Variants in ANO1 observed in about 807,000 individuals in gnomAD.
ANO1 encodes the protein anoctamin 1, also known as anoctamin-1.
Under a neutral mutation model 124.0 loss-of-function variants are expected in ANO1, and 59 were observed. The ratio of observed to expected loss-of-function variants is 0.48; its 90% CI spans 0.39 to 0.59. The LOEUF is 0.59. Among genes scored for constraint, ANO1 ranks in the 20% least tolerant of loss-of-function variants. ANO1 has a pLI of 0.00. For missense variants in ANO1, 1,059 were observed against 1,328.0 expected, an observed-to-expected ratio of 0.80 and a Z score of 3.15; for synonymous variants, 529 against 532.0, an observed-to-expected ratio of 0.99 and a Z score of 0.08.
the ANO1 span, among the ~76,000 whole-genome samples, chr11:69,976,547 A>G: frequency 4.0e-5 from 3 of 74,818 alleles, no homozygotes; most frequent in Non-Finnish European, 5.9e-5. Flanking sequence ...AAAAAAAAAA[A>G]AAAAAAAGAG....
chr11:70,116,393 T>C, intron 7 of ANO1, 65 bp from the exon 8 acceptor site: 2 of 1,459,978 alleles, frequency 1.4e-6, no homozygotes, highest in Non-Finnish European at 1.9e-6. Flanking sequence ...TGAAACATAA[T>C]GGATGTGAGC....
rs144451338 is a variant in ANO1, at chr11:70,124,811, G to A, written c.962+397G>A. ...CAGGGCAGGAAGGAGGGGCCGACCA[G>A]GTTAGGCAACTTGCCCGCCAGAGCT... On this transcript the variant is annotated intron_variant, in intron 9 of 25. Transcript: ENST00000355303. Among the ~76,000 whole-genome samples the A allele has an allele frequency of 7.0e-4, 106 of 152,322 alleles. 1 individual carries two copies. The highest frequency in any genetic ancestry group is 2.5e-3 in the African/African-American group (103 of 41,572).
At chr11:69,992,216 A>AGATGGATGGATG (rs59821789) in intron 1 of ANO1, among the ~76,000 whole-genome samples, 103 of 147,168 alleles carry the variant, frequency 7.0e-4, no homozygotes, top group East Asian at 1.7e-3. Context: ...ACGAATGGAT[A>AGATGGATGGATG]GATGGATGGA....
intron 7 of ANO1, among the ~76,000 whole-genome samples, chr11:70,113,659 A>T (rs985025559): frequency 6.6e-6 from 1 of 152,088 alleles, no homozygotes; most frequent in Admixed American, 6.5e-5. Context: ...CCCTGCTGAG[A>T]GGCTGAGGCA....
intron 1 of ANO1, chr11:70,016,552 G>T (rs1555001989): frequency 2.0e-5 from 3 of 152,302 alleles, no homozygotes; most frequent in African/African-American, 7.2e-5. Context: ...TGCTGCGGAT[G>T]GGGAATTCCA....
At chr11:70,095,427 A>AAAGAAAAGAAAGAAAAGAAAGAAAAG (rs10667749) in intron 2 of ANO1, among the ~76,000 whole-genome samples, 3 of 30,660 alleles carry the variant, frequency 9.8e-5, no homozygotes, top group Non-Finnish European at 2.3e-4. Flanking sequence ...AGAAAGAAAG[A>AAAGAAAAGAAAGAAAAGAAAGAAAAG]AAAGAAAAGA....
At chr11:70,134,687 G>A (rs944954299) in intron 11 of ANO1, among the ~76,000 whole-genome samples, 3 of 152,238 alleles carry the variant, frequency 2.0e-5, no homozygotes, top group Non-Finnish European at 2.9e-5. Context: ...GCATGAGGAT[G>A]TGCACGTGCC....
chr11:70,105,045 G>A (rs534236583), intron 4 of ANO1, among the ~76,000 whole-genome samples: 2 of 152,200 alleles, frequency 1.3e-5, no homozygotes, highest in South Asian at 4.1e-4. Flanking sequence ...GGGGCTTGGG[G>A]CATTAGAGGA....
At chr11:70,091,685 C>T (rs1219631964) in intron 2 of ANO1, among the ~76,000 whole-genome samples, 1 of 152,182 alleles carries the variant, frequency 6.6e-6, no homozygotes, top group Non-Finnish European at 1.5e-5. Context: ...GACTGTGCAG[C>T]AGTCATGGAG....
chr11:69,975,235 G>A, the ANO1 span, among the ~76,000 whole-genome samples: 5 of 152,230 alleles, frequency 3.3e-5, no homozygotes, highest in Non-Finnish European at 7.3e-5. Flanking sequence ...GGGAGATGGA[G>A]CAGTGGCCTC....
At chr11:70,083,153 C>T (rs2044252562) in intron 1 of ANO1, among the ~76,000 whole-genome samples, 2 of 152,156 alleles carry the variant, frequency 1.3e-5, no homozygotes, top group African/African-American at 2.4e-5. Flanking sequence ...CCTGTCCTCC[C>T]CTAGTTCTTT....
rs190808570 is a variant in ANO1, at chr11:70,123,408, C to T, written c.898-942C>T. Among the ~76,000 whole-genome samples the T allele has an allele frequency of 5.9e-5, 9 of 152,332 alleles. No homozygotes were observed. The East Asian group carries it at 1.2e-3, about 20-fold the overall frequency. On this transcript the variant is annotated intron_variant, in intron 8 of 25. Transcript: ENST00000355303. The stretch of plus-strand genomic sequence containing the variant: ...ACAGCCCGTGTTACCCCAGAGGAGA[C>T]GCTCAGGCACGCGAGGCTATGTCAG...
At chr11:70,128,794 G>A (rs1158735879) in intron 10 of ANO1, among the ~76,000 whole-genome samples, 1 of 152,218 alleles carries the variant, frequency 6.6e-6, no homozygotes, top group Non-Finnish European at 1.5e-5. Flanking sequence ...GAGGCGGAGG[G>A]GGATTTAAAA....
intron 2 of ANO1, among the ~76,000 whole-genome samples, chr11:70,096,083 C>T (rs2044942842): frequency 6.6e-6 from 1 of 152,334 alleles, no homozygotes; most frequent in East Asian, 1.9e-4. Flanking sequence ...GTTCTCCTCC[C>T]GGGGCTGTCT....
chr11:70,013,366 G>T (rs1257344240), intron 1 of ANO1, among the ~76,000 whole-genome samples: 1 of 151,682 alleles, frequency 6.6e-6, no homozygotes, highest in Admixed American at 6.5e-5. Context: ...CAAACAGCAG[G>T]GCCACACCAG....
intron 16 of ANO1, among the ~76,000 whole-genome samples, chr11:70,158,641 C>CG (rs1467411530): frequency 6.6e-6 from 1 of 152,206 alleles, no homozygotes; most frequent in Non-Finnish European, 1.5e-5. Flanking sequence ...GAGACAGAGG[C>CG]GGGGGGCTGT....
At chr11:70,084,516 C>T (rs1349587551) in intron 1 of ANO1, among the ~76,000 whole-genome samples, 6 of 152,180 alleles carry the variant, frequency 3.9e-5, no homozygotes, top group African/African-American at 1.2e-4. Flanking sequence ...CCCGCTGCTC[C>T]GCATTTAGCA....
chr11:69,987,026 C>G (rs1417733782), intron 1 of ANO1, among the ~76,000 whole-genome samples: 1 of 152,170 alleles, frequency 6.6e-6, no homozygotes, highest in Non-Finnish European at 1.5e-5. Flanking sequence ...CTTCCCCCCT[C>G]CCTCCCCCGA....
chr11:69,971,851 C>G, the ANO1 span, among the ~76,000 whole-genome samples: 5 of 152,156 alleles, frequency 3.3e-5, no homozygotes, highest in African/African-American at 1.2e-4. Flanking sequence ...CCATCCTTAC[C>G]TACTTTGCAG....
Sources: gnomAD v4.1 joint callset for allele counts (sites outside exome capture counted in the v4.1 genomes callset) on GRCh38, gnomAD v4.1.1 for gene constraint, MANE v1.5 for transcripts, NCBI Gene and HGNC (gene_info 2026-07-23, HGNC 2026-07-21) for gene names.